KIF26A: variants seen among roughly 807,000 people sequenced by gnomAD.
The protein encoded by KIF26A is kinesin family member 26A, also known as kinesin-like protein KIF26A.
In KIF26A, 74 loss-of-function variants were observed where a neutral mutation model predicts 126.0. That is an observed-to-expected ratio of 0.59 (90% CI 0.49 to 0.71). The LOEUF (loss-of-function observed/expected upper bound fraction) is 0.71. Among genes scored for constraint, KIF26A ranks in the 30% least tolerant of loss-of-function variants. KIF26A has a pLI of 0.00. For missense variants in KIF26A, 2,984 were observed against 2,763.3 expected (o/e 1.08, Z -1.79); for synonymous variants, 1,445 against 1,232.7 (o/e 1.17, Z -3.61).
At position 104,176,358 on chromosome 14, in the gene KIF26A, G is replaced by T. The variant is rs1283994489; in HGVS notation, c.3570G>T (p.Arg1190Ser). The T allele has an allele frequency of 3.2e-6, 5 of 1,582,584 alleles. No individual in the cohort carries two copies. Among genetic ancestry groups the T allele is most frequent in the Admixed American group, 1.7e-5 (1 of 57,732 alleles). The stretch of plus-strand genomic sequence containing the variant: ...CAGTGGCCCCATCCCGACCCGGCAG[G>T]GAGCCCCAGGCCGGGCCCTCGCGGT... ...VAAVAPSRPG[R>S]EPQAGPSRWA... The change falls in exon 12 of 15, where the codon AGG becomes AGT. Residue 1190 changes from arginine to serine, a missense_variant. Coordinates refer to ENST00000423312, the MANE Select transcript of KIF26A (RefSeq NM_015656.2).
intron 2 of KIF26A, among the ~76,000 whole-genome samples, chr14:104,142,230 T>C (rs2037644163): frequency 6.6e-6 from 1 of 152,130 alleles, no homozygotes; most frequent in African/African-American, 2.4e-5. Flanking sequence ...CTGCCCCTGT[T>C]GGAGCCCCAG....
chr14:104,169,545 C>T (rs972074070), intron 5 of KIF26A, among the ~76,000 whole-genome samples: 1 of 152,238 alleles, frequency 6.6e-6, no homozygotes, highest in Non-Finnish European at 1.5e-5. Context: ...CCACCCTGCA[C>T]ACCCCCCAGC....
chr14:104,156,972 C>T (rs566724730), intron 3 of KIF26A, among the ~76,000 whole-genome samples: 1 of 152,218 alleles, frequency 6.6e-6, no homozygotes, highest in East Asian at 1.9e-4. Context: ...GAGCTTGGGG[C>T]ACTGGGCCCT....
intron 3 of KIF26A, 48 bp from the exon 4 acceptor site, chr14:104,157,707 G>A: frequency 6.4e-7 from 1 of 1,561,552 alleles, no homozygotes; most frequent in Non-Finnish European, 8.7e-7. Flanking sequence ...GGGGGCAGTG[G>A]TGTCTCTGCC....
At chr14:104,166,269 G>T (rs542291047) in intron 4 of KIF26A, among the ~76,000 whole-genome samples, 88 of 152,270 alleles carry the variant, frequency 5.8e-4, no homozygotes, top group Non-Finnish European at 9.7e-4. Context: ...GGGGCCTGGG[G>T]CTTGGGGTGT....
At position 104,152,155 on chromosome 14, in the gene KIF26A, G is replaced by A. The variant is rs769842580; in HGVS notation, c.429G>A (p.Leu143=). 11 of 1,609,800 alleles carry A rather than the reference G, an allele frequency of 6.8e-6. No individual in the cohort carries two copies. The East Asian group carries it at 1.8e-4, about 26-fold the overall frequency. The change falls in exon 3 of 15, where the codon CTG becomes CTA. Residue 143 remains leucine, a synonymous_variant. Transcript: ENST00000423312. The surrounding 1 kb of genome is among the most constrained non-coding windows in gnomAD (Gnocchi z 5.9). The part of the protein sequence containing the change: ...QQLTREAMHL[L]QAPASHEDLD... The stretch of plus-strand genomic sequence containing the variant: ...TCACACGGGAGGCCATGCACCTGCT[G>A]CAGGCCCCTGCCAGCCATGAGGACC...
In KIF26A at chr14:104,178,729, C is replaced by T. The variant is rs2038065544; in HGVS notation, c.5290C>T (p.Pro1764Ser). 1 of 1,549,850 alleles carries T rather than the reference C, an allele frequency of 6.5e-7. No individual in the cohort carries two copies. The highest frequency in any genetic ancestry group is 8.7e-7 in the Non-Finnish European group (1 of 1,145,250). ...CGTGGAGCGCCTTCAGCGGCCCCGCCCCACCCCGAGGGAGGCCCCCACCCA... is the reference window on the plus strand; with the variant it reads ...CGTGGAGCGCCTTCAGCGGCCCCGCTCCACCCCGAGGGAGGCCCCCACCCA... ...DDVERLQRPR[P>S]TPREAPTQGL... Residue 1764 changes from proline (P) to serine (S), a missense_variant, in exon 13 of 15, where the codon CCC becomes TCC. Transcript: ENST00000423312.
At chr14:104,157,638 C>T (rs2037792302) in intron 3 of KIF26A, 117 bp from the exon 4 acceptor site, 2 of 1,133,334 alleles carry the variant, frequency 1.8e-6, no homozygotes, top group Non-Finnish European at 2.4e-6. Flanking sequence ...GGTGCAGAGC[C>T]CCCAGGAATG....
intron 4 of KIF26A, among the ~76,000 whole-genome samples, chr14:104,158,598 G>A (rs938418248): frequency 6.6e-6 from 1 of 152,166 alleles, no homozygotes; most frequent in African/African-American, 2.4e-5. Context: ...CCCCGAGCTC[G>A]GGGTGCCTGG....
chr14:104,177,020 C>T lies in KIF26A; in HGVS notation c.4232C>T (p.Ser1411Phe). 1 of 1,563,842 alleles carries T rather than the reference C, an allele frequency of 6.4e-7. No individual in the cohort carries two copies. The highest frequency in any genetic ancestry group is 1.2e-5 in the South Asian group (1 of 86,204). The change falls in exon 12 of 15, where the codon TCT (serine) becomes TTT (phenylalanine). Residue 1411 changes from serine to phenylalanine, a missense_variant. Transcript: ENST00000423312. ...EPRPSSRADH[S>F]VPRATSSLKA... Reference sequence around the variant, plus strand: ...AGACCCAGCAGCCGGGCTGACCACTCTGTCCCCAGGGCCACGTCCAGCCTG... The same window carrying T: ...AGACCCAGCAGCCGGGCTGACCACTTTGTCCCCAGGGCCACGTCCAGCCTG...
chr14:104,147,865 C>T (rs767418603), intron 2 of KIF26A, among the ~76,000 whole-genome samples: 3 of 152,142 alleles, frequency 2.0e-5, no homozygotes, highest in Non-Finnish European at 2.9e-5. Context: ...GGAGGGGCTT[C>T]GGGGCCTAGT....
chr14:104,175,984 C>T lies in KIF26A; in HGVS notation c.3196C>T (p.Leu1066=). 1 of 1,579,712 alleles carries T rather than the reference C, an allele frequency of 6.3e-7. No individual in the cohort carries two copies. Among genetic ancestry groups the T allele is most frequent in the Non-Finnish European group, 8.6e-7 (1 of 1,169,486 alleles). ...SFDSDCSLRA[L]ASGSRPVSII... ...CGACAGTGACTGCTCCCTGCGGGCC[C>T]TGGCCTCGGGGTCCCGGCCAGTCAG... The change falls in exon 12 of 15, where the codon CTG becomes TTG. Residue 1066 remains leucine, a synonymous_variant. Transcript: ENST00000423312.
At chr14:104,161,598 T>C (rs1397882592) in intron 4 of KIF26A, among the ~76,000 whole-genome samples, 2 of 152,240 alleles carry the variant, frequency 1.3e-5, no homozygotes, top group African/African-American at 2.4e-5. Context: ...ACCTGGTGGC[T>C]CTGGGGGCCG....
intron 2 of KIF26A, among the ~76,000 whole-genome samples, chr14:104,150,492 G>A (rs1231286978): frequency 6.6e-6 from 1 of 151,962 alleles, no homozygotes; most frequent in East Asian, 2.0e-4. Flanking sequence ...GCACATGCTT[G>A]GCTGGCACCG....
In KIF26A at chr14:104,180,054, T is replaced by C. The variant is rs1043606056; in HGVS notation, c.*264T>C. The C allele has an allele frequency of 2.5e-5, 10 of 403,750 alleles. No homozygotes were observed. Among genetic ancestry groups the C allele is most frequent in the Non-Finnish European group, 3.5e-5 (8 of 227,972 alleles). The allele number at this position is 403,750 out of a possible 1,614,324, so 25.0% of individuals were successfully genotyped here. ...ACCTTGATTTGGACTTTTCTCCCTT[T>C]TGCATTTGGTGCTACAGACTTGAGA... On this transcript the variant is annotated 3_prime_UTR_variant, in exon 15 of 15. Transcript: ENST00000423312.
Position 104,176,869 on chromosome 14 carries a change from C to T in KIF26A, c.4081C>T (p.Pro1361Ser), listed in dbSNP as rs773372815. The T allele has an allele frequency of 4.5e-6, 7 of 1,542,932 alleles. No individual in the cohort carries two copies. The highest frequency in any genetic ancestry group is 2.4e-5 in the South Asian group (2 of 83,652). ...CCTCCCGAGGCCCAGTGGGGCGGCC[C>T]CCCCGGCCCCACCCACGCGGAAGTC... ...GFLPRPSGAA[P>S]PAPPTRKSSL... Residue 1361 changes from proline to serine, a missense_variant, in exon 12 of 15, where the codon CCC becomes TCC. Coordinates refer to ENST00000423312, the MANE Select transcript of KIF26A (RefSeq NM_015656.2).
intron 4 of KIF26A, among the ~76,000 whole-genome samples, chr14:104,160,787 C>T (rs1291730554): frequency 3.9e-5 from 6 of 152,226 alleles, no homozygotes; most frequent in Admixed American, 3.9e-4. Flanking sequence ...CTCTCACCTG[C>T]TCGCTGCCAT....
At chr14:104,172,030 G>A in intron 6 of KIF26A, 95 bp downstream of exon 6, 2 of 1,215,882 alleles carry the variant, frequency 1.6e-6, no homozygotes, top group South Asian at 3.0e-5. Flanking sequence ...CTCCGTGCAG[G>A]GCGCAGAGGA....
Position 104,152,393 on chromosome 14 carries a change from G to T in KIF26A, c.667G>T (p.Ala223Ser). Reference sequence around the variant, plus strand: ...GGCGCTGAGCACGGTCACCATCCAGGCCCAGCAGTGCCTGGAGGGCATGTG... The same window carrying T: ...GGCGCTGAGCACGGTCACCATCCAGTCCCAGCAGTGCCTGGAGGGCATGTG... Reference protein sequence around the residue: ...GGALSTVTIQAQQCLEGMWSV... With the variant: ...GGALSTVTIQSQQCLEGMWSV... Residue 223 changes from alanine to serine, a missense_variant, in exon 3 of 15, where the codon GCC becomes TCC. By Grantham distance (99) the Ala-to-Ser change is moderately conservative. Coordinates refer to ENST00000423312, the MANE Select transcript of KIF26A (RefSeq NM_015656.2). The surrounding 1 kb of genome is among the most constrained non-coding windows in gnomAD (Gnocchi z 5.9). 1.3e-6 allele frequency: 2 copies of T among 1,598,096 alleles called. No individual in the cohort carries two copies. The highest frequency in any genetic ancestry group is 8.5e-7 in the Non-Finnish European group (1 of 1,173,728).
Sources: allele counts gnomAD v4.1 joint callset (sites outside exome capture counted in the v4.1 genomes callset), GRCh38; gene constraint gnomAD v4.1.1; non-coding constraint Gnocchi (gnomAD v3.1); transcripts MANE v1.5; gene names NCBI Gene and HGNC (gene_info 2026-07-23, HGNC 2026-07-21).